The following HUWE1 variants were observed in gnomAD, a reference collection of about 807,000 sequenced individuals.
The protein encoded by HUWE1 is HECT, UBA and WWE domain containing E3 ubiquitin protein ligase 1, also known as E3 ubiquitin-protein ligase HUWE1.
A neutral mutation model predicts 299.4 loss-of-function variants in HUWE1; 18 were observed. That is an observed-to-expected ratio of 0.06 (90% confidence interval 0.04 to 0.09). The LOEUF (loss-of-function observed/expected upper bound fraction) is 0.09, where lower values mean the gene tolerates loss of function less well. HUWE1 is among the 10% of genes least tolerant of loss of function. HUWE1 has a pLI of 1.00. For missense variants in HUWE1, 1,832 were observed against 3,462.3 expected (o/e 0.53, Z 11.82); for synonymous variants, 1,317 against 1,286.1 (o/e 1.02, Z -0.51).
Position 53,558,989 on chromosome X carries a change from T to C in HUWE1, c.7987A>G (p.Met2663Val). ...CACGCACCTGAAACACAGTCATGCA[T>C]GCTCTCAGCATCGAGAACTTTGCAT... ...EECKVLDAESMHDCVSVVKVS... is the reference protein window; with the variant it reads ...EECKVLDAESVHDCVSVVKVS... Residue 2663 changes from methionine (M) to valine (V), a missense_variant, in exon 58 of 84, where the codon ATG (methionine) becomes GTG (valine). This residue lies in a region of HUWE1 where 170 missense variants were observed against 335.8 expected (regional missense o/e 0.51). Coordinates refer to ENST00000262854, the MANE Select transcript of HUWE1 (RefSeq NM_031407.7). 3 of 1,185,561 alleles carry C rather than the reference T, an allele frequency of 2.5e-6. No homozygotes were observed. Among genetic ancestry groups the C allele is most frequent in the Non-Finnish European group, 3.4e-6 (3 of 881,319 alleles).
intron 3 of HUWE1, among the ~76,000 whole-genome samples, chrX:53,663,600 C>T (rs994607289): frequency 8.1e-5 from 9 of 111,291 alleles, no homozygotes; most frequent in African/African-American, 2.9e-4. Context: ...AATAAAGACA[C>T]TAGCTTATGT....
intron 43 of HUWE1, among the ~76,000 whole-genome samples, chrX:53,578,695 G>T (rs1359970722): frequency 1.3e-5 from 1 of 75,811 alleles, no homozygotes; most frequent in African/African-American, 5.2e-5. Flanking sequence ...TCAGCCCCCC[G>T]CCTGGCCAGC....
intron 3 of HUWE1, among the ~76,000 whole-genome samples, chrX:53,655,363 T>A (rs782817083): frequency 2.7e-5 from 3 of 111,668 alleles, no homozygotes; most frequent in Non-Finnish European, 5.6e-5. Flanking sequence ...CTGTACGACC[T>A]GTATCCATTC....
intron 39 of HUWE1, 86 bp from the exon 40 acceptor site, chrX:53,585,274 A>T (rs1316822056): frequency 6.3e-6 from 6 of 955,087 alleles, no homozygotes; most frequent in Non-Finnish European, 8.9e-6. Flanking sequence ...CACTGCTAAA[A>T]CTCACCCAGG....
rs1262353900 is a variant in HUWE1, at chrX:53,639,100, G to A, written c.505-4802C>T. ...AAAGACAATATACATGAAGATTAGG[G>A]GAAAAAATACTTTTAAGATGACAAA... On this transcript the variant is annotated intron_variant, in intron 7 of 83. Coordinates refer to ENST00000262854, the MANE Select transcript of HUWE1 (RefSeq NM_031407.7). Among the ~76,000 whole-genome samples, 5 of 111,837 alleles carry A rather than the reference G, an allele frequency of 4.5e-5. No homozygotes were observed. The East Asian group carries it at 1.4e-3, about 31-fold the overall frequency.
chrX:53,559,312 A>T, intron 57 of HUWE1, 42 bp downstream of exon 57: 2 of 1,171,157 alleles, frequency 1.7e-6, no homozygotes, highest in Non-Finnish European at 2.3e-6. Context: ...GAAAAAGTAG[A>T]ATCTGACAAA....
chrX:53,585,278 AC>A, intron 39 of HUWE1, 90 bp from the exon 40 acceptor site: 1 of 928,836 alleles, frequency 1.1e-6, no homozygotes, highest in Non-Finnish European at 1.5e-6. Context: ...GCTAAAACTC[AC>A]CCAGGAAAAA....
Position 53,628,855 on chromosome X carries a change from C to T in HUWE1, c.1011G>A (p.Leu337=). 1 of 1,208,232 alleles carries T rather than the reference C, an allele frequency of 8.3e-7. No homozygotes were observed. Among genetic ancestry groups the T allele is most frequent in the South Asian group, 1.8e-5 (1 of 56,853 alleles). The part of the protein sequence containing the change: ...SLRTLTSIVH[L]ERTPKLSSII... The stretch of plus-strand genomic sequence containing the variant: ...TACTGCTGAGTTTGGGAGTTCTCTC[C>T]AAGTGGACAATTGATGTTAATGTTC... The change falls in exon 14 of 84, where the codon TTG becomes TTA. Residue 337 remains leucine (L), a synonymous_variant. Coordinates refer to ENST00000262854, the MANE Select transcript of HUWE1 (RefSeq NM_031407.7).
At chrX:53,589,948 A>T (rs2064068276) in intron 35 of HUWE1, 132 bp from the exon 36 acceptor site, 1 of 710,982 alleles carries the variant, frequency 1.4e-6, no homozygotes, top group African/African-American at 2.1e-5. Flanking sequence ...TGATACTTTC[A>T]TCCAGGATGT....
At chrX:53,556,804 A>G (rs1289108931) in intron 60 of HUWE1, among the ~76,000 whole-genome samples, 5 of 112,639 alleles carry the variant, frequency 4.4e-5, no homozygotes, top group African/African-American at 1.6e-4. Context: ...TTAGCCATGT[A>G]AGAAAAAACA....
chrX:53,654,146 T>A lies in HUWE1; in HGVS notation c.-24-15A>T. 2 of 1,022,237 alleles carry A rather than the reference T, an allele frequency of 2.0e-6. No homozygotes were observed. The highest frequency in any genetic ancestry group is 2.7e-6 in the Non-Finnish European group (2 of 729,889). 84.2% of individuals were successfully genotyped at this position (1,022,237 alleles called of 1,213,427 possible). ...AGCTTTACGATCTGAAAAAAGAAAATCCCAAAAGAAGTGAGAACTTAAAGC... is the reference window on the plus strand; with the variant it reads ...AGCTTTACGATCTGAAAAAAGAAAAACCCAAAAGAAGTGAGAACTTAAAGC... On this transcript the variant is annotated splice_polypyrimidine_tract_variant and intron_variant, in intron 3 of 83. Transcript: ENST00000262854.
intron 72 of HUWE1, 36 bp downstream of exon 72, chrX:53,544,523 CA>C: frequency 1.8e-6 from 2 of 1,129,998 alleles, no homozygotes; most frequent in Non-Finnish European, 2.4e-6. Context: ...TTACCGCCAC[CA>C]ACCCTTCCCC....
At chrX:53,546,405 G>C in intron 70 of HUWE1, 31 bp downstream of exon 70, 1 of 1,190,706 alleles carries the variant, frequency 8.4e-7, no homozygotes, top group South Asian at 1.8e-5. Context: ...GAAACCTTCA[G>C]AAAGAGAAAA....
Position 53,629,039 on chromosome X carries a change from G to A in HUWE1, c.964-137C>T, listed in dbSNP as rs938552679. 225 of 514,291 alleles carry A rather than the reference G, an allele frequency of 4.4e-4. 1 individual carries two copies. The highest frequency in any genetic ancestry group is 2.8e-3 in the Middle Eastern group (5 of 1,802). 42.4% of individuals were successfully genotyped at this position (514,291 alleles called of 1,213,427 possible). On this transcript the variant is annotated intron_variant, in intron 13 of 83. Coordinates refer to ENST00000262854, the MANE Select transcript of HUWE1 (RefSeq NM_031407.7). ...GCTTGAGGGGATGGAGGTCTGTTGA[G>A]AGCAACAACGAAAATCTAGTATTTG...
At chrX:53,602,469 T>A in intron 28 of HUWE1, 95 bp downstream of exon 28, 1 of 543,756 alleles carries the variant, frequency 1.8e-6, no homozygotes, top group Non-Finnish European at 3.2e-6. Flanking sequence ...AGACTATGGA[T>A]GATAGAACTA....
At chrX:53,648,985 G>A (rs1195864563) in intron 4 of HUWE1, among the ~76,000 whole-genome samples, 1 of 112,097 alleles carries the variant, frequency 8.9e-6, no homozygotes, top group Non-Finnish European at 1.9e-5. Flanking sequence ...AGTGGAAGGA[G>A]GGAAAGGGAT....
chrX:53,584,483 G>C (rs2063765690), intron 40 of HUWE1, 138 bp from the exon 41 acceptor site: 1 of 551,095 alleles, frequency 1.8e-6, no homozygotes, highest in Admixed American at 3.4e-5. Context: ...ATCATTTACA[G>C]AGAAAAAACC....
In HUWE1 at chrX:53,617,612, A is replaced by C. The variant is rs782353423; in HGVS notation, c.1673-166T>G. On this transcript the variant is annotated intron_variant, in intron 19 of 83. Coordinates refer to ENST00000262854, the MANE Select transcript of HUWE1 (RefSeq NM_031407.7). ...AATACTGCTCCATCAGAGATTCAATACTATAAAGAATCTAGTGACTACACT... is the reference window on the plus strand; with the variant it reads ...AATACTGCTCCATCAGAGATTCAATCCTATAAAGAATCTAGTGACTACACT... Among the ~76,000 whole-genome samples the C allele has an allele frequency of 9.8e-5, 11 of 112,144 alleles. No homozygotes were observed. In the East Asian group the frequency reaches 2.5e-3, roughly 26 times the overall value.
At chrX:53,591,572 AGT>A (rs1240148746) in intron 33 of HUWE1, among the ~76,000 whole-genome samples, 1 of 112,049 alleles carries the variant, frequency 8.9e-6, no homozygotes, top group African/African-American at 3.2e-5. Context: ...TATACAACAC[AGT>A]GTTAAAACAT....
Sources: gnomAD v4.1 joint callset for allele counts (sites outside exome capture counted in the v4.1 genomes callset) on GRCh38, gnomAD v4.1.1 for gene constraint, gnomAD v4.1.1 regional missense constraint, MANE v1.5 for transcripts, NCBI Gene and HGNC (gene_info 2026-07-23, HGNC 2026-07-21) for gene names.